Variants in TUT7 observed in about 807,000 individuals in gnomAD.
The protein encoded by TUT7 is terminal uridylyl transferase 7, also known as terminal uridylyltransferase 7.
TUT7 carries 33 observed loss-of-function variants against 165.9 expected under a neutral mutation model. That is an observed-to-expected ratio of 0.20 (90% CI 0.15 to 0.27). The LOEUF (loss-of-function observed/expected upper bound fraction) is 0.27, where lower values mean the gene tolerates loss of function less well. Among genes scored for constraint, TUT7 ranks in the 10% least tolerant of loss-of-function variants. TUT7 has a pLI of 1.00. For missense variants in TUT7, 1,338 were observed against 1,762.3 expected (o/e 0.76, Z 4.31); for synonymous variants, 552 against 608.1 (o/e 0.91, Z 1.36).
At chr9:86,309,663 A>C (rs563859110) in intron 19 of TUT7, 87 bp from the exon 20 acceptor site, 1 of 1,142,346 alleles carries the variant, frequency 8.8e-7, no homozygotes, top group African/African-American at 1.6e-5. Context: ...AGTAAAGTGC[A>C]TATTTTGAGA....
intron 2 of TUT7, among the ~76,000 whole-genome samples, chr9:86,347,759 G>A (rs1312069479): frequency 6.6e-6 from 1 of 152,144 alleles, no homozygotes; most frequent in African/African-American, 2.4e-5. Flanking sequence ...TAAAAGGTAA[G>A]TTGTCATTTC....
chr9:86,352,894 C>G lies in TUT7; in HGVS notation c.306G>C (p.Leu102=), dbSNP rs748584115. 3.1e-6 allele frequency: 5 copies of G among 1,614,212 alleles called. No individual in the cohort carries two copies. The highest frequency in any genetic ancestry group is 2.2e-5 in the South Asian group (2 of 91,080). The change falls in exon 2 of 27, where the codon CTG becomes CTC. Residue 102 remains leucine, a synonymous_variant. Coordinates refer to ENST00000375963, the MANE Select transcript of TUT7 (RefSeq NM_024617.4). ...DSHKDQSKRW[L]SDEHTGNSDN... ...CTGAATTACCAGTATGTTCATCAGA[C>G]AGCCATCTCTTACTCTGATCTTTGT...
At chr9:86,348,769 A>AAACAAAG (rs1832008055) in intron 2 of TUT7, among the ~76,000 whole-genome samples, 1 of 152,092 alleles carries the variant, frequency 6.6e-6, no homozygotes, top group South Asian at 2.1e-4. Flanking sequence ...AACAAACAAA[A>AAACAAAG]AAAGGATGAA....
intron 11 of TUT7, 41 bp from the exon 12 acceptor site, chr9:86,325,555 T>C: frequency 2.0e-6 from 3 of 1,529,126 alleles, no homozygotes; most frequent in Non-Finnish European, 2.7e-6. Flanking sequence ...ATTTCAGATG[T>C]AAGTACAATC....
intron 10 of TUT7, among the ~76,000 whole-genome samples, chr9:86,336,423 A>G (rs1376527890): frequency 1.3e-5 from 2 of 152,172 alleles, no homozygotes; most frequent in African/African-American, 4.8e-5. Flanking sequence ...GGTTACTAGG[A>G]TACACAGCAT....
At chr9:86,342,425 G>C (rs971294370) in intron 6 of TUT7, among the ~76,000 whole-genome samples, 5 of 152,088 alleles carry the variant, frequency 3.3e-5, no homozygotes, top group African/African-American at 1.2e-4. Flanking sequence ...TTAAGAGATA[G>C]GGTCTCACTA....
chr9:86,336,499 G>A lies in TUT7; in HGVS notation c.1455+920C>T, dbSNP rs192748228. Among the ~76,000 whole-genome samples the A allele has an allele frequency of 1.1e-4, 16 of 152,174 alleles. 1 individual carries two copies. Among genetic ancestry groups the A allele is most frequent in the Admixed American group, 2.6e-4 (4 of 15,278 alleles). On this transcript the variant is annotated intron_variant, in intron 10 of 26. Coordinates refer to ENST00000375963, the MANE Select transcript of TUT7 (RefSeq NM_024617.4). ...ATTCTACTTCAGTCTTTATTCCCAC[G>A]GCCTGGTAGACAGAAGTCCCTGCTT...
chr9:86,309,039 G>A (rs1320425420), intron 21 of TUT7, among the ~76,000 whole-genome samples, 173 bp downstream of exon 21: 1 of 152,074 alleles, frequency 6.6e-6, no homozygotes, highest in Non-Finnish European at 1.5e-5. Context: ...AAATTCACTT[G>A]GCTTAGTAAA....
At chr9:86,345,292 A>G (rs1831656865) in intron 4 of TUT7, 138 bp from the exon 5 acceptor site, 1 of 763,734 alleles carries the variant, frequency 1.3e-6, no homozygotes, top group Admixed American at 3.4e-5. Context: ...TTTTCATCCT[A>G]TCAAACATAT....
intron 26 of TUT7, among the ~76,000 whole-genome samples, chr9:86,291,993 C>T (rs1211128599): frequency 6.6e-6 from 1 of 152,062 alleles, no homozygotes; most frequent in Non-Finnish European, 1.5e-5. Flanking sequence ...GGGTGGAATA[C>T]TGTAAAGAAA....
chr9:86,339,684 CAG>C (rs1831165927), intron 8 of TUT7, among the ~76,000 whole-genome samples: 3 of 152,072 alleles, frequency 2.0e-5, no homozygotes, highest in African/African-American at 7.2e-5. Flanking sequence ...AGAGATAAAC[CAG>C]AGAGGTCACA....
chr9:86,310,106 A>C, intron 18 of TUT7, 89 bp from the exon 19 acceptor site: 1 of 1,102,858 alleles, frequency 9.1e-7, no homozygotes, highest in Non-Finnish European at 1.3e-6. Flanking sequence ...AATAATGGAG[A>C]TGGGATCTCA....
intron 5 of TUT7, chr9:86,344,760 G>A: frequency 5.8e-6 from 3 of 516,584 alleles, no homozygotes; most frequent in Admixed American, 3.9e-5. Flanking sequence ...CACACACAGG[G>A]TAAAATTTAT....
At chr9:86,320,357 A>T (rs981083038) in intron 14 of TUT7, among the ~76,000 whole-genome samples, 7 of 151,790 alleles carry the variant, frequency 4.6e-5, no homozygotes, top group African/African-American at 1.7e-4. Flanking sequence ...CATTTTAAGC[A>T]GCTGAACATC....
intron 26 of TUT7, among the ~76,000 whole-genome samples, chr9:86,292,011 AAATAT>A (rs760273376): frequency 1.3e-5 from 2 of 152,210 alleles, no homozygotes; most frequent in Non-Finnish European, 2.9e-5. Flanking sequence ...AAAAAAACCC[AAATAT>A]AAAAACAGCA....
At chr9:86,310,628 C>A (rs1387242675) in intron 18 of TUT7, 78 bp downstream of exon 18, 3 of 749,504 alleles carry the variant, frequency 4.0e-6, no homozygotes, top group South Asian at 1.6e-5. Context: ...AATGTGACTT[C>A]TTTAACTTGA....
chr9:86,351,851 T>C (rs371194500), intron 2 of TUT7, among the ~76,000 whole-genome samples: 14 of 152,224 alleles, frequency 9.2e-5, no homozygotes, highest in African/African-American at 2.7e-4. Flanking sequence ...AACTGTGATA[T>C]TGTTTCATTT....
At chr9:86,337,215 A>G (rs951473535) in intron 10 of TUT7, 1 of 543,844 alleles carries the variant, frequency 1.8e-6, no homozygotes, top group Non-Finnish European at 3.1e-6. Context: ...AGGTAATAAT[A>G]TCCCTAAGCA....
chr9:86,321,274 T>C (rs1829267805), intron 14 of TUT7, among the ~76,000 whole-genome samples: 1 of 151,948 alleles, frequency 6.6e-6, no homozygotes, highest in Non-Finnish European at 1.5e-5. Flanking sequence ...GGAGAATTGC[T>C]TGAACCCAGG....
Sources: allele counts gnomAD v4.1 joint callset (sites outside exome capture counted in the v4.1 genomes callset), GRCh38; gene constraint gnomAD v4.1.1; transcripts MANE v1.5; gene names NCBI Gene and HGNC (gene_info 2026-07-23, HGNC 2026-07-21).